Variants in POTEG observed in about 807,000 individuals in gnomAD.
POTEG encodes the protein POTE ankyrin domain family member G, also known as ANKRD26-like family C member 2.
A neutral mutation model predicts 49.6 loss-of-function variants in POTEG; 2 were observed. That is an observed-to-expected ratio of 0.04 (90% CI 0.02 to 0.13). The LOEUF (loss-of-function observed/expected upper bound fraction) is 0.13. Among genes scored for constraint, POTEG ranks in the 10% least tolerant of loss-of-function variants. The pLI is 1.00. For missense variants in POTEG, 26 were observed against 545.2 expected, an observed-to-expected ratio of 0.05 and a Z score of 9.48; for synonymous variants, 7 against 186.6, an observed-to-expected ratio of 0.04 and a Z score of 7.84.
At chr14:19,432,399 T>TAC (rs1884180438) in intron 1 of POTEG, among the ~76,000 whole-genome samples, 8 of 88,312 alleles carry the variant, frequency 9.1e-5, no homozygotes, top group African/African-American at 1.3e-4. Context: ...TATATATATA[T>TAC]ATATACACAC....
At chr14:19,426,454 C>T (rs1371223816) in intron 3 of POTEG, among the ~76,000 whole-genome samples, 6 of 152,148 alleles carry the variant, frequency 3.9e-5, no homozygotes, top group African/African-American at 1.2e-4. Flanking sequence ...TTAGAATTTG[C>T]TTAATTCCAA....
chr14:19,415,153 A>C (rs1207538315), intron 7 of POTEG, among the ~76,000 whole-genome samples: 1 of 144,782 alleles, frequency 6.9e-6, no homozygotes, highest in African/African-American at 2.5e-5. Flanking sequence ...TTTAATTGAA[A>C]TTATATACTG....
chr14:19,432,296 C>T (rs1279180149), intron 1 of POTEG, among the ~76,000 whole-genome samples: 9 of 81,944 alleles, frequency 1.1e-4, no homozygotes, highest in Non-Finnish European at 1.7e-4. Flanking sequence ...TGCAGTGAGC[C>T]GAGATCGCAC....
In POTEG at chr14:19,432,364, TTGTATATATATATATATATATATATA is replaced by T. The variant is rs1566383073; in HGVS notation, c.521+1379_521+1404del. Among the ~76,000 whole-genome samples the T allele has an allele frequency of 5.4e-3, 233 of 42,814 alleles. 1 individual carries two copies. Among genetic ancestry groups the T allele is most frequent in the African/African-American group, 0.02 (208 of 10,250 alleles). The allele number at this position is 42,814 out of a possible 152,430, so 28.1% of individuals were successfully genotyped here. ...CTCCATCAAAAAAAAAAAAGAAATTTTGTATATATATATATATATATATATATATATATATATATACACACACATGT... is the reference window on the plus strand; with the variant it reads ...CTCCATCAAAAAAAAAAAAGAAATTTTATATATATATATACACACACATGT... On this transcript the variant is annotated intron_variant, in intron 1 of 10. Transcript: ENST00000547848.
intron 1 of POTEG, among the ~76,000 whole-genome samples, chr14:19,432,457 TAC>T (rs1302068067): frequency 9.7e-6 from 1 of 102,982 alleles, no homozygotes; most frequent in Non-Finnish European, 2.0e-5. Context: ...CATATATATA[TAC>T]ATATATACAT....
intron 6 of POTEG, among the ~76,000 whole-genome samples, chr14:19,416,650 GA>G (rs1883586942): frequency 3.6e-5 from 1 of 28,166 alleles, no homozygotes; most frequent in African/African-American, 1.6e-4. Context: ...AAATACAGTA[GA>G]AACAATAAAG....
At chr14:19,419,863 T>C (rs1883683419) in intron 6 of POTEG, among the ~76,000 whole-genome samples, 1 of 134,526 alleles carries the variant, frequency 7.4e-6, no homozygotes, top group South Asian at 2.5e-4. Context: ...ACCGCTCATC[T>C]AGTATTTGCA....
intron 1 of POTEG, among the ~76,000 whole-genome samples, chr14:19,431,196 C>A (rs1351238465): frequency 6.6e-6 from 1 of 152,308 alleles, no homozygotes; most frequent in African/African-American, 2.4e-5. Context: ...AACACAAGAG[C>A]AGATTCTGTT....
At chr14:19,425,518 A>T in intron 4 of POTEG, 88 bp downstream of exon 4, 2 of 509,148 alleles carry the variant, frequency 3.9e-6, no homozygotes, top group Non-Finnish European at 5.9e-6. Context: ...ACTATATCCC[A>T]ATAAGTATAC....
chr14:19,417,772 T>C, intron 6 of POTEG, among the ~76,000 whole-genome samples: 1 of 25,786 alleles, frequency 3.9e-5, no homozygotes, highest in East Asian at 9.7e-4. Flanking sequence ...AACCAATATT[T>C]GTAGTGAACC....
At chr14:19,432,432 GTA>G (rs60251207) in intron 1 of POTEG, among the ~76,000 whole-genome samples, 12,888 of 58,042 alleles carry the variant, frequency 0.22, 266 homozygotes, top group East Asian at 0.41. Context: ...ATGTATATAC[GTA>G]TATATATATA....
At chr14:19,432,383 T>C (rs1377126768) in intron 1 of POTEG, among the ~76,000 whole-genome samples, 2 of 53,882 alleles carry the variant, frequency 3.7e-5, no homozygotes, top group African/African-American at 1.1e-4. Flanking sequence ...TATATATATA[T>C]ATATATATAT....
At chr14:19,416,625 A>G (rs1883585917) in intron 6 of POTEG, among the ~76,000 whole-genome samples, 2 of 42,292 alleles carry the variant, frequency 4.7e-5, no homozygotes, top group Non-Finnish European at 8.6e-5. Context: ...CAAAACCACC[A>G]TAAACACAGC....
chr14:19,433,972 G>GA lies in POTEG; in HGVS notation c.317dup (p.Cys108LeufsTer44), dbSNP rs1181459981. Reference sequence around the variant, plus strand: ...TCTTGCCGCTCCCCCTGCAGCAGGGGAAGCAGTGGCAGCACCACTTGCCCA... The same window carrying GA: ...TCTTGCCGCTCCCCCTGCAGCAGGGGAAAGCAGTGGCAGCACCACTTGCCCA... On this transcript the variant is annotated frameshift_variant, in exon 1 of 11. Coordinates refer to ENST00000547848, the MANE Select transcript of POTEG (RefSeq NM_001005356.3). LOFTEE classifies it high-confidence loss of function. 1.2e-6 allele frequency: 2 copies of GA among 1,604,786 alleles called. No individual in the cohort carries two copies. The highest frequency in any genetic ancestry group is 2.7e-5 in the African/African-American group (2 of 74,420).
intron 6 of POTEG, among the ~76,000 whole-genome samples, chr14:19,420,042 T>C (rs1883694017): frequency 7.5e-6 from 1 of 133,188 alleles, no homozygotes; most frequent in Non-Finnish European, 1.6e-5. Context: ...TTGCTCAGAA[T>C]CCCTGCAAAG....
intron 7 of POTEG, among the ~76,000 whole-genome samples, chr14:19,415,828 AATTTTTTTTT>A (rs1396028636): frequency 7.5e-6 from 1 of 132,984 alleles, no homozygotes; most frequent in African/African-American, 2.7e-5. Flanking sequence ...AATCTATTAA[AATTTTTTTTT>A]TTTTTTTTTT....
rs1447847541 is a variant in POTEG at position 19,414,748 on chromosome 14, C to T, written c.1198-142G>A. The T allele has an allele frequency of 5.5e-5, 62 of 1,125,800 alleles. 1 individual carries two copies. The highest frequency in any genetic ancestry group is 1.3e-5 in the Non-Finnish European group (11 of 873,894). 69.7% of individuals were successfully genotyped at this position (1,125,800 alleles called of 1,614,324 possible). On this transcript the variant is annotated intron_variant, in intron 7 of 10. Transcript: ENST00000547848. ...AAATTAGAAAATAATTAAAATTAAA[C>T]TTAAAAAAATAAATAATAATTAAAA...
At chr14:19,420,236 T>C (rs1883702977) in intron 6 of POTEG, among the ~76,000 whole-genome samples, 1 of 120,952 alleles carries the variant, frequency 8.3e-6, no homozygotes, top group Admixed American at 8.9e-5. Context: ...TCATACCTAC[T>C]TTTTTCCAAA....
intron 1 of POTEG, among the ~76,000 whole-genome samples, chr14:19,429,745 A>AAAT (rs1327673963): frequency 1.1e-4 from 6 of 54,902 alleles, no homozygotes; most frequent in Admixed American, 2.2e-4. Flanking sequence ...TTTAAATTTT[A>AAAT]GTTCTTAAAA....
Sources: gnomAD v4.1 joint callset for allele counts (sites outside exome capture counted in the v4.1 genomes callset) on GRCh38, gnomAD v4.1.1 for gene constraint, MANE v1.5 for transcripts, NCBI Gene and HGNC (gene_info 2026-07-23, HGNC 2026-07-21) for gene names.